The following CILP variants were observed in gnomAD, a reference collection of about 807,000 sequenced individuals.
CILP encodes the protein cartilage intermediate layer protein.
A neutral mutation model predicts 82.5 loss-of-function variants in CILP; 75 were observed. That is an observed-to-expected ratio of 0.91 (90% CI 0.75 to 1.10). The LOEUF is 1.10. CILP is among the 50% of genes least tolerant of loss of function. The pLI is 0.00. For missense variants in CILP, 1,479 were observed against 1,530.8 expected (o/e 0.97, Z 0.56); for synonymous variants, 530 against 580.3 (o/e 0.91, Z 1.25).
In CILP at chr15:65,205,136, T is replaced by G. The variant is rs928106876; in HGVS notation, c.604+151A>C. 4.0e-5 allele frequency: 29 copies of G among 727,102 alleles called. 1 individual carries two copies. Among genetic ancestry groups the G allele is most frequent in the Middle Eastern group, 8.3e-4 (2 of 2,416 alleles). 45.0% of individuals were successfully genotyped at this position (727,102 alleles called of 1,614,324 possible). A position where few individuals can be genotyped will look rare whatever the true frequency, so the allele number is the denominator to read the frequency against. On this transcript the variant is annotated intron_variant, in intron 5 of 8. Transcript: ENST00000261883. ...GTGTTCCTATATTATCCTGTATATC[T>G]CTCATTAGGGCACATAGTAGATGCT...
intron 3 of CILP, 120 bp from the exon 4 acceptor site, chr15:65,207,171 T>C (rs898045184): frequency 6.8e-5 from 75 of 1,104,772 alleles, no homozygotes; most frequent in Non-Finnish European, 9.3e-5. Flanking sequence ...CCAGTATCTC[T>C]CCAATCCCCT....
At chr15:65,202,523 G>A (rs980169696) in intron 7 of CILP, among the ~76,000 whole-genome samples, 13 of 151,702 alleles carry the variant, frequency 8.6e-5, no homozygotes, top group South Asian at 2.1e-4. Flanking sequence ...CGTCTCCCAG[G>A]TTCAAGCGAT....
At chr15:65,209,672 G>C in intron 2 of CILP, 23 bp downstream of exon 2, 1 of 1,612,594 alleles carries the variant, frequency 6.2e-7, no homozygotes. Flanking sequence ...AGATTTGGGA[G>C]CCAGCAGATA....
At chr15:65,202,801 C>A (rs2088474229) in intron 7 of CILP, among the ~76,000 whole-genome samples, 1 of 151,412 alleles carries the variant, frequency 6.6e-6, no homozygotes, top group African/African-American at 2.4e-5. Flanking sequence ...CAAGTCTGGA[C>A]CCCAAGACCA....
chr15:65,194,957 G>A lies in CILP; in HGVS notation c.*1774C>T, dbSNP rs1218504287. On this transcript the variant is annotated 3_prime_UTR_variant, in exon 9 of 9. Transcript: ENST00000261883. ...GGCTCCTGAAGTGGCTGGGGCGATG[G>A]TGCTGCAGATAGCTGTGCACTCACA... The A allele has an allele frequency of 6.6e-6, 1 of 151,564 alleles. No individual in the cohort carries two copies. The highest frequency in any genetic ancestry group is 1.5e-5 in the Non-Finnish European group (1 of 68,048). The allele number at this position is 151,564 out of a possible 1,614,324, so 9.4% of individuals were successfully genotyped here. A position where few individuals can be genotyped will look rare whatever the true frequency, so the allele number is the denominator to read the frequency against.
rs559318110 is a variant in CILP at position 65,205,816 on chromosome 15, G to A, written c.425-350C>T. Among the ~76,000 whole-genome samples the A allele has an allele frequency of 4.6e-5, 7 of 152,294 alleles. No homozygotes were observed. In the South Asian group the frequency reaches 1.5e-3, roughly 32 times the overall value. On this transcript the variant is annotated intron_variant, in intron 4 of 8. Coordinates refer to ENST00000261883, the MANE Select transcript of CILP (RefSeq NM_003613.4). ...ACATGCTCCTATGGAAGGACTCCCTGGGAATCAGGGACCCCTGGGAAGTCG... is the reference window on the plus strand; with the variant it reads ...ACATGCTCCTATGGAAGGACTCCCTAGGAATCAGGGACCCCTGGGAAGTCG...
At chr15:65,204,233 C>T in intron 6 of CILP, 35 bp downstream of exon 6, 1 of 1,578,530 alleles carries the variant, frequency 6.3e-7, no homozygotes, top group Non-Finnish European at 8.6e-7. Flanking sequence ...AAATCTGGAC[C>T]TTCTCACCAG....
In CILP at chr15:65,197,976, G is replaced by C. The variant is rs760391220; in HGVS notation, c.2310C>G (p.Ile770Met). 6.2e-7 allele frequency: 1 copy of C among 1,614,126 alleles called. No homozygotes were observed. The highest frequency in any genetic ancestry group is 1.7e-5 in the Admixed American group (1 of 60,020). The change falls in exon 9 of 9, where the codon ATC becomes ATG. Residue 770 changes from isoleucine (I) to methionine (M), a missense_variant. Ile to Met is a conservative substitution (Grantham distance 10). Coordinates refer to ENST00000261883, the MANE Select transcript of CILP (RefSeq NM_003613.4). Reference sequence around the variant, plus strand: ...TAATCACGGAGATCACAACCCCCTGGATCTGCTCACTAGGCAAGAACCTCT... The same window carrying C: ...TAATCACGGAGATCACAACCCCCTGCATCTGCTCACTAGGCAAGAACCTCT... ...RSERFLPSEQ[I>M]QGVVISVINL...
At chr15:65,210,827 C>T (rs895576952) in intron 1 of CILP, among the ~76,000 whole-genome samples, 2 of 152,198 alleles carry the variant, frequency 1.3e-5, no homozygotes, top group African/African-American at 4.8e-5. Context: ...ACCACTGGCC[C>T]CACCACTACC....
Position 65,196,670 on chromosome 15 carries a change from A to T in CILP, c.*61T>A. On this transcript the variant is annotated 3_prime_UTR_variant, in exon 9 of 9. Coordinates refer to ENST00000261883, the MANE Select transcript of CILP (RefSeq NM_003613.4). ...AAATTAACCAAGTGACAGTTTGTGC[A>T]TCAGTCTCACAATGGCTGTCACATG... 1 of 1,365,584 alleles carries T rather than the reference A, an allele frequency of 7.3e-7. No individual in the cohort carries two copies. Among genetic ancestry groups the T allele is most frequent in the Non-Finnish European group, 1.0e-6 (1 of 1,004,478 alleles). 84.6% of individuals were successfully genotyped at this position (1,365,584 alleles called of 1,614,324 possible). A position where few individuals can be genotyped will look rare whatever the true frequency, so the allele number is the denominator to read the frequency against.
intron 5 of CILP, 108 bp downstream of exon 5, chr15:65,205,179 G>T: frequency 9.6e-7 from 1 of 1,038,960 alleles, no homozygotes; most frequent in Non-Finnish European, 1.4e-6. Flanking sequence ...TACGTGGTGA[G>T]TAAGTAAATG....
rs1177351638 is a variant in CILP, at chr15:65,198,762, G to A, written c.1524C>T (p.Gly508=). 1.2e-6 allele frequency: 2 copies of A among 1,614,122 alleles called. No individual in the cohort carries two copies. The highest frequency in any genetic ancestry group is 1.7e-6 in the Non-Finnish European group (2 of 1,180,020). The change falls in exon 9 of 9, where the codon GGC becomes GGT. Residue 508 remains glycine (G), a synonymous_variant. Coordinates refer to ENST00000261883, the MANE Select transcript of CILP (RefSeq NM_003613.4). ...CACGGCTGTTCCCCATGTACACATGGCCAAAGCGCATGGGCTCCCCATTGT... is the reference window on the plus strand; with the variant it reads ...CACGGCTGTTCCCCATGTACACATGACCAAAGCGCATGGGCTCCCCATTGT... ...AADNGEPMRF[G]HVYMGNSRVS...
chr15:65,208,609 G>C (rs559822846), intron 2 of CILP, among the ~76,000 whole-genome samples: 17 of 152,282 alleles, frequency 1.1e-4, no homozygotes, highest in African/African-American at 4.1e-4. Flanking sequence ...TCCATACGAG[G>C]CTGGCAGGGA....
At chr15:65,200,751 A>G (rs894492) in intron 8 of CILP, among the ~76,000 whole-genome samples, 149,464 of 152,324 alleles carry the variant, frequency 0.98, 73,339 homozygotes, top group Non-Finnish European at 1. Context: ...GTTTTAAACT[A>G]TGCATGCCCA....
intron 2 of CILP, among the ~76,000 whole-genome samples, chr15:65,208,183 A>G (rs2088539497): frequency 6.6e-6 from 1 of 152,154 alleles, no homozygotes; most frequent in East Asian, 1.9e-4. Flanking sequence ...TGTTTTCCTC[A>G]TGTGTAAAAT....
rs140085942 is a variant in CILP, at chr15:65,197,120, T to C, written c.3166A>G (p.Asn1056Asp). The C allele has an allele frequency of 1.2e-6, 2 of 1,613,758 alleles. No homozygotes were observed. The highest frequency in any genetic ancestry group is 2.7e-5 in the African/African-American group (2 of 74,916). ...LVNHLPLAVN[N>D]DTSEYTMLAP... is the part of the protein sequence containing the mutation. The stretch of plus-strand genomic sequence containing the variant: ...AGCATGGTGTACTCACTGGTGTCGT[T>C]GTTGACTGCAAGTGGCAAGTGGTTG... The change falls in exon 9 of 9, where the codon AAC (asparagine) becomes GAC (aspartate). Residue 1056 changes from asparagine (N) to aspartate (D), a missense_variant. Physicochemically the swap from Asn to Asp is conservative, Grantham distance 23. Transcript: ENST00000261883.
chr15:65,203,785 A>G (rs76573931), intron 6 of CILP, among the ~76,000 whole-genome samples: 2,439 of 152,332 alleles, frequency 0.016, 48 homozygotes, highest in African/African-American at 0.042. Context: ...TAAATAGTGC[A>G]ATATTCATGT....
Position 65,199,041 on chromosome 15 carries a change from A to T in CILP, c.1245T>A (p.His415Gln), listed in dbSNP as rs1159184715. Residue 415 changes from histidine to glutamine, a missense_variant, in exon 9 of 9, where the codon CAT becomes CAA. Physicochemically the swap from His to Gln is conservative, Grantham distance 24. Transcript: ENST00000261883. ...AGTTGGTGGCATTCTGAAAGCAATC[A>T]TGGGGCAGCCGGATAAGATAGCTCT... ...VPESYLIRLP[H>Q]DCFQNATNSF... 1.2e-6 allele frequency: 2 copies of T among 1,603,840 alleles called. No individual in the cohort carries two copies. Among genetic ancestry groups the T allele is most frequent in the East Asian group, 2.2e-5 (1 of 44,896 alleles).
Position 65,197,444 on chromosome 15 carries a change from G to A in CILP, c.2842C>T (p.Pro948Ser). Residue 948 changes from proline to serine, a missense_variant, in exon 9 of 9, where the codon CCG (proline) becomes TCG (serine). Physicochemically the swap from Pro to Ser is moderately conservative, Grantham distance 74. Coordinates refer to ENST00000261883, the MANE Select transcript of CILP (RefSeq NM_003613.4). ...TEDYLAWWPK[P>S]MEFRACYIKV... ...ATATAGCAGGCCCTGAATTCCATCG[G>A]CTTTGGCCACCATGCCAGATAGTCT... 1 of 1,614,222 alleles carries A rather than the reference G, an allele frequency of 6.2e-7. No individual in the cohort carries two copies. Among genetic ancestry groups the A allele is most frequent in the Non-Finnish European group, 8.5e-7 (1 of 1,180,048 alleles).
Sources: gnomAD v4.1 joint callset for allele counts (sites outside exome capture counted in the v4.1 genomes callset) on GRCh38, gnomAD v4.1.1 for gene constraint, MANE v1.5 for transcripts, NCBI Gene and HGNC (gene_info 2026-07-23, HGNC 2026-07-21) for gene names.